The following CNTN4 variants were observed in gnomAD, a reference collection of about 807,000 sequenced individuals.
CNTN4 encodes contactin-4.
In CNTN4, 77 loss-of-function variants were observed where a neutral mutation model predicts 122.5. That is an observed-to-expected ratio of 0.63 (90% CI 0.52 to 0.76). CNTN4 has a LOEUF of 0.76. Ranked by LOEUF, CNTN4 falls within the 30% of genes least tolerant of loss-of-function variation. CNTN4 has a pLI of 0.00. For synonymous variants in CNTN4, 512 were observed against 447.0 expected (o/e 1.15, Z -1.83); for missense variants, 1,256 against 1,259.1 (o/e 1.00, Z 0.04).
chr3:2,543,677 C>A (rs964010254), intron 3 of CNTN4, among the ~76,000 whole-genome samples: 1 of 152,096 alleles, frequency 6.6e-6, no homozygotes, highest in South Asian at 2.1e-4. Context: ...TGCATTTAGA[C>A]GTTGCAGAGA....
chr3:2,211,726 A>T (rs951416085), intron 2 of CNTN4, among the ~76,000 whole-genome samples: 1 of 152,098 alleles, frequency 6.6e-6, no homozygotes, highest in African/African-American at 2.4e-5. Context: ...AGTCTGTAGC[A>T]TTCTTCCACA....
chr3:2,425,693 C>G (rs1575602523), intron 3 of CNTN4, among the ~76,000 whole-genome samples: 1 of 152,162 alleles, frequency 6.6e-6, no homozygotes, highest in East Asian at 1.9e-4. Context: ...TTGACTCTTC[C>G]TATCCATGAG....
chr3:2,160,356 G>T (rs1240884476), intron 2 of CNTN4, among the ~76,000 whole-genome samples: 3 of 152,038 alleles, frequency 2.0e-5, no homozygotes, highest in Non-Finnish European at 4.4e-5. Context: ...AGAGAGTCTT[G>T]TATCCTGGTT....
chr3:2,898,842 A>G (rs2094142333), intron 10 of CNTN4, among the ~76,000 whole-genome samples: 1 of 152,150 alleles, frequency 6.6e-6, no homozygotes, highest in Admixed American at 6.5e-5. Context: ...AATATTCAGC[A>G]GGTTGAATGT....
chr3:2,683,781 A>G (rs944804878), intron 4 of CNTN4, among the ~76,000 whole-genome samples: 50 of 152,296 alleles, frequency 3.3e-4, no homozygotes, highest in African/African-American at 1.1e-3. Flanking sequence ...GAGTGTTCCA[A>G]TATCCTTTCA....
At chr3:2,861,029 A>G (rs4128732) in intron 7 of CNTN4, among the ~76,000 whole-genome samples, 112,666 of 151,964 alleles carry the variant, frequency 0.74, 42,009 homozygotes, top group African/African-American at 0.83. Flanking sequence ...CCATTTACGA[A>G]AAGATAATTT....
rs140655538 is a variant in CNTN4 at position 2,290,284 on chromosome 3, G to C, written c.-144-48894G>C. Among the ~76,000 whole-genome samples, 4 of 152,286 alleles carry C rather than the reference G, an allele frequency of 2.6e-5. No individual in the cohort carries two copies. The East Asian group carries it at 7.7e-4, about 29-fold the overall frequency. ...CCATAATGCAGGAAGGGGGAAGCCA[G>C]GTGGATCCTGGAAATATCCAGAGTG... On this transcript the variant is annotated intron_variant, in intron 2 of 24. Transcript: ENST00000418658.
At chr3:2,115,516 A>T (rs976545130) in intron 2 of CNTN4, among the ~76,000 whole-genome samples, 2 of 152,238 alleles carry the variant, frequency 1.3e-5, no homozygotes, top group Non-Finnish European at 2.9e-5. Flanking sequence ...CACACAAGTT[A>T]GCTTTTCAGG....
In CNTN4 at chr3:2,390,215, A is replaced by AGTGTGTGTGTGTGTGTGTGT. The variant is rs142190283; in HGVS notation, c.-89+50999_-89+51018dup. On this transcript the variant is annotated intron_variant, in intron 3 of 24. Coordinates refer to ENST00000418658, the MANE Select transcript of CNTN4 (RefSeq NM_175607.3). ...ACTGTCAATGGGTTTAGGAAAAAAGAGTGTGTGTGTGTGTGTGTGTGTGTG... is the reference window on the plus strand; with the variant it reads ...ACTGTCAATGGGTTTAGGAAAAAAGAGTGTGTGTGTGTGTGTGTGTGTGTGTGTGTGTGTGTGTGTGTGTG... 6.2e-5 allele frequency among the ~76,000 whole-genome samples: 9 copies of AGTGTGTGTGTGTGTGTGTGT among 144,876 alleles called. 1 individual carries two copies. The highest frequency in any genetic ancestry group is 2.3e-4 in the African/African-American group (9 of 39,124).
intron 14 of CNTN4, among the ~76,000 whole-genome samples, chr3:3,014,654 G>C (rs1697570012): frequency 6.6e-6 from 1 of 151,116 alleles, no homozygotes; most frequent in African/African-American, 2.4e-5. Flanking sequence ...TGTCTGTCTT[G>C]CTCTGTTTCT....
At position 2,972,382 on chromosome 3, in the gene CNTN4, T is replaced by C. The variant is rs148061394; in HGVS notation, c.1359-15963T>C. ...CTCAAAGATTTTAATAAATTCCCGA[T>C]ATTTACCCAATGTAGACATGTCTAA... On this transcript the variant is annotated intron_variant, in intron 13 of 24. Transcript: ENST00000418658. 8.0e-3 allele frequency among the ~76,000 whole-genome samples: 1,219 copies of C among 152,142 alleles called. 16 individuals are homozygous for C. Among genetic ancestry groups the C allele is most frequent in the African/African-American group, 0.028 (1,158 of 41,548 alleles).
chr3:2,782,794 T>C (rs115437638), intron 6 of CNTN4, among the ~76,000 whole-genome samples: 1,883 of 152,286 alleles, frequency 0.012, 15 homozygotes, highest in Non-Finnish European at 0.018. Context: ...AAAGAAGGCA[T>C]GTATCCTGGA....
At chr3:2,951,917 A>G (rs946866716) in intron 13 of CNTN4, among the ~76,000 whole-genome samples, 1 of 152,244 alleles carries the variant, frequency 6.6e-6, no homozygotes, top group Non-Finnish European at 1.5e-5. Context: ...GAAGGCTTTT[A>G]GAAAAACAGA....
At chr3:2,940,833 G>T (rs901789523) in intron 13 of CNTN4, among the ~76,000 whole-genome samples, 5 of 152,176 alleles carry the variant, frequency 3.3e-5, no homozygotes, top group Admixed American at 6.5e-5. Context: ...TCATGGGGGT[G>T]ATTGTGCACT....
chr3:2,767,258 T>C (rs1176548832), intron 6 of CNTN4, among the ~76,000 whole-genome samples: 1 of 152,168 alleles, frequency 6.6e-6, no homozygotes, highest in Non-Finnish European at 1.5e-5. Flanking sequence ...TTGGAAGTGA[T>C]ATTGATCTGG....
chr3:2,166,474 A>G (rs999717351), intron 2 of CNTN4, among the ~76,000 whole-genome samples: 8 of 152,162 alleles, frequency 5.3e-5, no homozygotes, highest in African/African-American at 1.9e-4. Context: ...AAGTTCTCCA[A>G]GTCACCTGAC....
chr3:2,120,380 T>TATATATATATATATATATATAA (rs2033660563), intron 2 of CNTN4, among the ~76,000 whole-genome samples: 2 of 27,536 alleles, frequency 7.3e-5, no homozygotes, highest in Non-Finnish European at 1.8e-4. Flanking sequence ...TATAAATATA[T>TATATATATATATATATATATAA]ATATATATAT....
chr3:2,114,533 C>G (rs2033205294), intron 2 of CNTN4, among the ~76,000 whole-genome samples: 1 of 152,008 alleles, frequency 6.6e-6, no homozygotes, highest in African/African-American at 2.4e-5. Context: ...GGAAAAATGG[C>G]AAGTTTGGAG....
intron 1 of CNTN4, chr3:2,099,544 T>C (rs1334144928): frequency 6.5e-6 from 1 of 153,248 alleles, no homozygotes. Context: ...AGGAGCCGCG[T>C]GGAGACGGAG....
Sources: gnomAD v4.1 joint callset for allele counts (sites outside exome capture counted in the v4.1 genomes callset) on GRCh38, gnomAD v4.1.1 for gene constraint, MANE v1.5 for transcripts, NCBI Gene and HGNC (gene_info 2026-07-23, HGNC 2026-07-21) for gene names.